Variants in LRRN3 observed in about 807,000 individuals in gnomAD.
LRRN3 encodes the protein leucine rich repeat neuronal 3, also known as leucine-rich repeat neuronal protein 3.
Under a neutral mutation model 40.1 loss-of-function variants are expected in LRRN3, and 15 were observed. The ratio of observed to expected loss-of-function variants is 0.37; its 90% CI spans 0.25 to 0.58. LRRN3 has a LOEUF of 0.58. Ranked by LOEUF, LRRN3 falls within the 20% of genes least tolerant of loss-of-function variation. The probability of loss-of-function intolerance (pLI) is 0.72; values close to 1 mark genes in which losing one functional copy is unlikely to be tolerated. For missense variants in LRRN3, 746 were observed against 837.7 expected (o/e 0.89, Z 1.35); for synonymous variants, 308 against 297.2 (o/e 1.04, Z -0.37).
chr7:111,124,224 T>C lies in LRRN3; in HGVS notation c.1452T>C (p.Asn484=), dbSNP rs574216340. ...YVHSEGTLDI[N]GVTPKEGGLY... is the part of the protein sequence containing the mutation. The stretch of plus-strand genomic sequence containing the variant: ...ATTCTGAGGGAACACTAGATATAAA[T>C]GGCGTAACTCCCAAAGAAGGGGGTT... The change falls in exon 3 of 3, where the codon AAT becomes AAC. Residue 484 remains asparagine (N), a synonymous_variant. Transcript: ENST00000308478. 3.7e-6 allele frequency: 6 copies of C among 1,613,986 alleles called. No homozygotes were observed. The highest frequency in any genetic ancestry group is 2.7e-5 in the African/African-American group (2 of 75,024).
intron 2 of LRRN3, among the ~76,000 whole-genome samples, chr7:111,111,051 G>T (rs1304618605): frequency 6.6e-6 from 1 of 152,008 alleles, no homozygotes; most frequent in Non-Finnish European, 1.5e-5. Context: ...TAAATTATCT[G>T]GAAAGAGTTT....
chr7:111,109,060 T>C (rs1798876154), intron 2 of LRRN3, among the ~76,000 whole-genome samples: 1 of 152,138 alleles, frequency 6.6e-6, no homozygotes, highest in Non-Finnish European at 1.5e-5. Context: ...AAATGATCTA[T>C]AAAGAAAACA....
intron 2 of LRRN3, among the ~76,000 whole-genome samples, chr7:111,105,537 G>C (rs538041965): frequency 1.2e-4 from 18 of 151,926 alleles, no homozygotes; most frequent in African/African-American, 3.6e-4. Flanking sequence ...CACAAAAATG[G>C]GTTGCTGTAG....
intron 1 of LRRN3, among the ~76,000 whole-genome samples, chr7:111,094,033 T>A (rs888546001): frequency 3.3e-5 from 5 of 152,106 alleles, no homozygotes; most frequent in African/African-American, 1.2e-4. Flanking sequence ...AAAAAGGTGA[T>A]CAACTTATGA....
intron 2 of LRRN3, among the ~76,000 whole-genome samples, chr7:111,107,854 A>C (rs1008269882): frequency 6.6e-6 from 1 of 151,998 alleles, no homozygotes; most frequent in Non-Finnish European, 1.5e-5. Flanking sequence ...AATATTATAG[A>C]CTCTAGCATG....
At chr7:111,121,550 G>A (rs969513085) in intron 2 of LRRN3, among the ~76,000 whole-genome samples, 6 of 152,158 alleles carry the variant, frequency 3.9e-5, no homozygotes, top group African/African-American at 1.4e-4. Context: ...ACACCAGTTA[G>A]AATGGCAATC....
chr7:111,114,342 G>A (rs529189922), intron 2 of LRRN3, among the ~76,000 whole-genome samples: 1 of 152,068 alleles, frequency 6.6e-6, no homozygotes, highest in African/African-American at 2.4e-5. Flanking sequence ...CTGTTTGACA[G>A]ACACATAAAA....
Position 111,123,855 on chromosome 7 carries a change from G to C in LRRN3, c.1083G>C (p.Lys361Asn). 1 of 1,613,938 alleles carries C rather than the reference G, an allele frequency of 6.2e-7. No individual in the cohort carries two copies. The highest frequency in any genetic ancestry group is 8.5e-7 in the Non-Finnish European group (1 of 1,179,976). The change falls in exon 3 of 3, where the codon AAG becomes AAC. Residue 361 changes from lysine to asparagine, a missense_variant. Coordinates refer to ENST00000308478, the MANE Select transcript of LRRN3 (RefSeq NM_001099658.2). This position sits in a 1 kb window ranked among gnomAD's most constrained non-coding sequence, Gnocchi z 6.4. ...CCATTGAGTCTCTGCCAAACCTCAA[G>C]GAAATCAGCATACACAGTAACCCCA... ...HGTIESLPNL[K>N]EISIHSNPIR...
intron 2 of LRRN3, among the ~76,000 whole-genome samples, chr7:111,121,720 C>T (rs1800645552): frequency 6.6e-6 from 1 of 152,152 alleles, no homozygotes; most frequent in Middle Eastern, 3.4e-3. Flanking sequence ...CCCAGCCAAC[C>T]CATTACTGGG....
At chr7:111,111,069 A>G (rs775168681) in intron 2 of LRRN3, among the ~76,000 whole-genome samples, 4 of 152,172 alleles carry the variant, frequency 2.6e-5, no homozygotes, top group Non-Finnish European at 5.9e-5. Flanking sequence ...TTTATCTACT[A>G]AGAAATTTTC....
chr7:111,121,894 A>G (rs1800673639), intron 2 of LRRN3, among the ~76,000 whole-genome samples: 1 of 152,196 alleles, frequency 6.6e-6, no homozygotes, highest in Non-Finnish European at 1.5e-5. Context: ...AATACTATGC[A>G]GCCATAAAAA....
At chr7:111,096,515 A>AC (rs1241947910) in intron 1 of LRRN3, among the ~76,000 whole-genome samples, 2 of 151,226 alleles carry the variant, frequency 1.3e-5, no homozygotes, top group Non-Finnish European at 1.5e-5. Context: ...ATTTAAAAAA[A>AC]AAAAAACAAA....
intron 2 of LRRN3, among the ~76,000 whole-genome samples, chr7:111,120,210 A>C (rs1800421282): frequency 6.6e-6 from 1 of 152,170 alleles, no homozygotes; most frequent in African/African-American, 2.4e-5. Context: ...GATTGCATTA[A>C]TCCGTTCTCA....
In LRRN3 at chr7:111,122,841, A is replaced by G; in HGVS notation, c.69A>G (p.Val23=). 1 of 1,614,006 alleles carries G rather than the reference A, an allele frequency of 6.2e-7. No individual in the cohort carries two copies. Among genetic ancestry groups the G allele is most frequent in the Non-Finnish European group, 8.5e-7 (1 of 1,179,932 alleles). The change falls in exon 3 of 3, where the codon GTA becomes GTG. Residue 23 remains valine, a synonymous_variant. Coordinates refer to ENST00000308478, the MANE Select transcript of LRRN3 (RefSeq NM_001099658.2). ...GLAITTLVQA[V]DKKVDCPRLC... The stretch of plus-strand genomic sequence containing the variant: ...CTATCACTACACTAGTACAAGCTGT[A>G]GATAAAAAAGTGGATTGTCCACGGT...
chr7:111,091,550 G>C (rs1001623023), intron 1 of LRRN3, 46 bp downstream of exon 1: 1 of 152,076 alleles, frequency 6.6e-6, no homozygotes, highest in African/African-American at 2.4e-5. Flanking sequence ...TCTATTTCTT[G>C]TCTCTTCGAT....
rs920820700 is a variant in LRRN3, at chr7:111,111,408, C to A, written c.-358-11007C>A. ...CAAATTACACTGCTTTCCATCCCCCCCCAAAAAAAAATGGCCCGTTAGTAT... is the reference window on the plus strand; with the variant it reads ...CAAATTACACTGCTTTCCATCCCCCACCAAAAAAAAATGGCCCGTTAGTAT... On this transcript the variant is annotated intron_variant, in intron 2 of 2. Transcript: ENST00000308478. 3.3e-5 allele frequency among the ~76,000 whole-genome samples: 5 copies of A among 151,114 alleles called. No homozygotes were observed. The East Asian group carries it at 5.8e-4, about 18-fold the overall frequency.
chr7:111,105,285 C>T (rs1798419715), intron 2 of LRRN3, among the ~76,000 whole-genome samples: 1 of 152,000 alleles, frequency 6.6e-6, no homozygotes, highest in East Asian at 1.9e-4. Context: ...CAACAACCTT[C>T]TATGAATCTG....
intron 1 of LRRN3, among the ~76,000 whole-genome samples, chr7:111,092,956 G>A (rs1347148723): frequency 6.6e-6 from 1 of 152,108 alleles, no homozygotes; most frequent in Admixed American, 6.6e-5. Flanking sequence ...TGATTTCAGA[G>A]CTATTATTGG....
chr7:111,107,382 C>A (rs1798669527), intron 2 of LRRN3, among the ~76,000 whole-genome samples: 1 of 152,050 alleles, frequency 6.6e-6, no homozygotes, highest in Non-Finnish European at 1.5e-5. Context: ...TTAGATTCAA[C>A]TGATCAGTCA....
Sources: gnomAD v4.1 joint callset for allele counts (sites outside exome capture counted in the v4.1 genomes callset) on GRCh38, gnomAD v4.1.1 for gene constraint, Gnocchi (gnomAD v3.1) non-coding constraint, MANE v1.5 for transcripts, NCBI Gene and HGNC (gene_info 2026-07-23, HGNC 2026-07-21) for gene names.